KIF5C: variants seen among roughly 807,000 people sequenced by gnomAD.
The protein encoded by KIF5C is kinesin family member 5C.
Under a neutral mutation model 125.2 loss-of-function variants are expected in KIF5C, and 18 were observed. The observed-to-expected ratio is 0.14, with a 90% CI of 0.10 to 0.21. The LOEUF (loss-of-function observed/expected upper bound fraction) is 0.21. Among genes scored for constraint, KIF5C ranks in the 10% least tolerant of loss-of-function variants. KIF5C has a pLI of 1.00. For synonymous variants in KIF5C, 405 were observed against 434.0 expected, an observed-to-expected ratio of 0.93 and a Z score of 0.83; for missense variants, 780 against 1,183.8, an observed-to-expected ratio of 0.66 and a Z score of 5.01.
At chr2:148,944,016 T>C (rs530582694) in intron 7 of KIF5C, among the ~76,000 whole-genome samples, 14 of 152,334 alleles carry the variant, frequency 9.2e-5, no homozygotes, top group Admixed American at 3.9e-4. Flanking sequence ...ATTTACGTTA[T>C]TCACTCTGTT....
At chr2:148,993,674 C>T (rs771053165) in intron 16 of KIF5C, among the ~76,000 whole-genome samples, 1 of 152,140 alleles carries the variant, frequency 6.6e-6, no homozygotes, top group African/African-American at 2.4e-5. Flanking sequence ...AGCTGAGCTC[C>T]CCAGATCTGG....
At chr2:148,946,445 A>G (rs980068647) in intron 7 of KIF5C, among the ~76,000 whole-genome samples, 7 of 152,216 alleles carry the variant, frequency 4.6e-5, no homozygotes, top group African/African-American at 1.7e-4. Flanking sequence ...GAAAGTCTTA[A>G]TCCTTGCTTA....
At position 148,937,275 on chromosome 2, in the gene KIF5C, G is replaced by A. The variant is rs372501544; in HGVS notation, c.292-9G>A. 4.6e-4 allele frequency: 722 copies of A among 1,579,128 alleles called. 1 individual carries two copies. Among genetic ancestry groups the A allele is most frequent in the South Asian group, 4.1e-3 (351 of 86,018 alleles). ...TTTAACTGCCCGTGTTTGTATTTTC[G>A]CCCACTAGGGGAAGCTGCATGACCC... On this transcript the variant is annotated splice_polypyrimidine_tract_variant and intron_variant, in intron 3 of 25. Coordinates refer to ENST00000435030, the MANE Select transcript of KIF5C (RefSeq NM_004522.3).
chr2:148,927,522 T>C (rs904071482), intron 2 of KIF5C, among the ~76,000 whole-genome samples: 2 of 151,294 alleles, frequency 1.3e-5, no homozygotes, highest in African/African-American at 4.9e-5. Context: ...ATAGGGGGGA[T>C]GGTTAATTTC....
intron 1 of KIF5C, chr2:148,884,140 T>G (rs918716500): frequency 1.3e-5 from 2 of 152,226 alleles, no homozygotes; most frequent in African/African-American, 4.8e-5. Context: ...TGGCAATGCC[T>G]TCAGACTTTT....
intron 1 of KIF5C, among the ~76,000 whole-genome samples, chr2:148,910,837 G>C (rs1681306105): frequency 6.6e-6 from 1 of 152,214 alleles, no homozygotes; most frequent in Non-Finnish European, 1.5e-5. Flanking sequence ...AAAGTAGTAA[G>C]AATAGTTGAG....
intron 1 of KIF5C, 117 bp from the exon 2 acceptor site, chr2:148,922,020 A>G (rs1681805488): frequency 1.6e-6 from 1 of 607,242 alleles, no homozygotes; most frequent in African/African-American, 1.9e-5. Context: ...ACTGCCTTAA[A>G]GAACAGGGTT....
Position 148,973,589 on chromosome 2 carries a change from A to T in KIF5C, c.1293+78A>T, listed in dbSNP as rs560404499. 4.7e-4 allele frequency: 688 copies of T among 1,471,870 alleles called. 2 individuals carry two copies. Among genetic ancestry groups the T allele is most frequent in the Middle Eastern group, 7.8e-4 (4 of 5,140 alleles). 91.2% of individuals were successfully genotyped at this position (1,471,870 alleles called of 1,614,324 possible). On this transcript the variant is annotated intron_variant, in intron 12 of 25. Coordinates refer to ENST00000435030, the MANE Select transcript of KIF5C (RefSeq NM_004522.3). ...CAGGTCCCAGCTCCCTATGGGGCTG[A>T]TGTAGGGCTACAGCCCGATCTTTGT...
chr2:148,956,575 A>AT (rs1377106641), intron 10 of KIF5C, among the ~76,000 whole-genome samples: 1 of 152,228 alleles, frequency 6.6e-6, no homozygotes, highest in Non-Finnish European at 1.5e-5. Flanking sequence ...ATCATATATC[A>AT]TTAAAGTAGT....
chr2:148,971,669 T>A (rs1680914732), intron 11 of KIF5C, among the ~76,000 whole-genome samples: 1 of 152,252 alleles, frequency 6.6e-6, no homozygotes, highest in Admixed American at 6.5e-5. Flanking sequence ...TTCTATGTTT[T>A]GCTTCAAGTT....
chr2:148,882,424 A>G (rs190068923), intron 1 of KIF5C, among the ~76,000 whole-genome samples: 15 of 152,110 alleles, frequency 9.9e-5, no homozygotes, highest in Admixed American at 9.2e-4. Context: ...GAAGGTGCAG[A>G]CCCTTCAGAG....
At chr2:148,971,983 G>A (rs1476372713) in intron 11 of KIF5C, among the ~76,000 whole-genome samples, 1 of 152,098 alleles carries the variant, frequency 6.6e-6, no homozygotes, top group Admixed American at 6.5e-5. Flanking sequence ...CACCCAGGCT[G>A]GAGTGCAATG....
chr2:148,881,520 T>C, intron 1 of KIF5C, among the ~76,000 whole-genome samples: 1 of 152,134 alleles, frequency 6.6e-6, no homozygotes, highest in Non-Finnish European at 1.5e-5. Flanking sequence ...CCCCTTTCCC[T>C]GCCTGAAATC....
chr2:148,887,006 C>A (rs1681546885), intron 1 of KIF5C, among the ~76,000 whole-genome samples: 1 of 152,206 alleles, frequency 6.6e-6, no homozygotes, highest in Admixed American at 6.5e-5. Context: ...TAGCTACTTC[C>A]TTAGTAACAT....
rs916180130 is a variant in KIF5C, at chr2:149,026,580, T to C, written c.*3510T>C. ...AGGGGAGAATGGTGGTTTATATCAA[T>C]AACGATGCTGTACTATAGTCCATGT... On this transcript the variant is annotated 3_prime_UTR_variant, in exon 26 of 26. Coordinates refer to ENST00000435030, the MANE Select transcript of KIF5C (RefSeq NM_004522.3). The C allele has an allele frequency of 6.6e-6, 1 of 152,660 alleles. No individual in the cohort carries two copies. Among genetic ancestry groups the C allele is most frequent in the Non-Finnish European group, 1.5e-5 (1 of 68,066 alleles). The allele number at this position is 152,660 out of a possible 1,614,324, so 9.5% of individuals were successfully genotyped here.
chr2:148,921,827 C>G (rs1397892336), intron 1 of KIF5C, among the ~76,000 whole-genome samples: 2 of 152,160 alleles, frequency 1.3e-5, no homozygotes, highest in Non-Finnish European at 2.9e-5. Context: ...AGCCCAGTGC[C>G]AGGCTCTGTG....
intron 10 of KIF5C, among the ~76,000 whole-genome samples, chr2:148,961,047 C>T (rs1457117798): frequency 6.6e-6 from 1 of 152,144 alleles, no homozygotes; most frequent in Non-Finnish European, 1.5e-5. Context: ...TTGGGTTACT[C>T]TCCAGGTACA....
intron 15 of KIF5C, among the ~76,000 whole-genome samples, chr2:148,989,337 TACAC>T (rs59582798): frequency 0.016 from 2,373 of 147,904 alleles, 38 homozygotes; most frequent in Middle Eastern, 0.077. Flanking sequence ...TCCATGATTT[TACAC>T]ACACACACAC....
At position 148,882,072 on chromosome 2, in the gene KIF5C, G is replaced by A. The variant is rs957072837; in HGVS notation, c.126+6329G>A. On this transcript the variant is annotated intron_variant, in intron 1 of 25. Transcript: ENST00000435030. ...AACCAAGTTCCTCTTAGTAGGAATTGAGTGGTTGAGTTTGAGGTTGTTTGT... is the reference window on the plus strand; with the variant it reads ...AACCAAGTTCCTCTTAGTAGGAATTAAGTGGTTGAGTTTGAGGTTGTTTGT... 2.6e-5 allele frequency among the ~76,000 whole-genome samples: 4 copies of A among 152,240 alleles called. No homozygotes were observed. In the East Asian group the frequency reaches 7.7e-4, roughly 29 times the overall value.
Sources: allele counts gnomAD v4.1 joint callset (sites outside exome capture counted in the v4.1 genomes callset), GRCh38; gene constraint gnomAD v4.1.1; transcripts MANE v1.5; gene names NCBI Gene and HGNC (gene_info 2026-07-23, HGNC 2026-07-21).